The following SMAP2 variants were observed in gnomAD, a reference collection of about 807,000 sequenced individuals.
SMAP2 encodes the protein small ArfGAP2, also known as stromal membrane-associated protein 2.
SMAP2 carries 25 observed loss-of-function variants against 56.4 expected under a neutral mutation model. That is an observed-to-expected ratio of 0.44 (90% confidence interval 0.32 to 0.62). The LOEUF (loss-of-function observed/expected upper bound fraction) is 0.62, where lower values mean the gene tolerates loss of function less well. Ranked by LOEUF, SMAP2 falls within the 20% of genes least tolerant of loss-of-function variation. The pLI is 0.04. For missense variants in SMAP2, 388 were observed against 545.6 expected, an observed-to-expected ratio of 0.71 and a Z score of 2.88; for synonymous variants, 157 against 181.7, an observed-to-expected ratio of 0.86 and a Z score of 1.09.
Position 40,373,855 on chromosome 1 carries a change from G to A in SMAP2, c.-266G>A, listed in dbSNP as rs1033175810. The A allele has an allele frequency of 8.3e-6, 3 of 361,906 alleles. No homozygotes were observed. The highest frequency in any genetic ancestry group is 6.5e-5 in the African/African-American group (3 of 45,878). The allele number at this position is 361,906 out of a possible 1,614,324, so 22.4% of individuals were successfully genotyped here. ...GAGGCTCGTGGTCCGCCTTTGCCTG[G>A]GCTGAGGGTCTCTGGCCCCGCAGCC... is the stretch of plus-strand genomic sequence containing the variant. On this transcript the variant is annotated 5_prime_UTR_variant, in exon 1 of 10. Transcript: ENST00000372718.
chr1:40,354,766 A>ATTTTTTTTTTTTTT (rs1557821399), intron 1 of SMAP2, among the ~76,000 whole-genome samples: 1 of 58,282 alleles, frequency 1.7e-5, no homozygotes, highest in East Asian at 6.9e-4. Context: ...CAAAACATTG[A>ATTTTTTTTTTTTTT]ATTTTTTTTT....
At chr1:40,389,438 C>T (rs900673559) in intron 1 of SMAP2, among the ~76,000 whole-genome samples, 1 of 151,998 alleles carries the variant, frequency 6.6e-6, no homozygotes, top group East Asian at 1.9e-4. Flanking sequence ...CAGCATTATT[C>T]TGTTAATGTG....
chr1:40,388,190 T>C (rs532802052), intron 1 of SMAP2, among the ~76,000 whole-genome samples: 2 of 152,228 alleles, frequency 1.3e-5, no homozygotes, highest in South Asian at 4.1e-4. Context: ...CGCCCCCTGC[T>C]CCACGGCACC....
At position 40,397,305 on chromosome 1, in the gene SMAP2, C is replaced by T. The variant is rs1236139683; in HGVS notation, c.104-9431C>T. ...CACATGGGGATCATTTCTCTACCAT[C>T]CCTGAGAACTGATTACCAAACCTCT... On this transcript the variant is annotated intron_variant, in intron 1 of 9. Coordinates refer to ENST00000372718, the MANE Select transcript of SMAP2 (RefSeq NM_022733.3). Among the ~76,000 whole-genome samples the T allele has an allele frequency of 2.0e-5, 3 of 152,180 alleles. No homozygotes were observed. In the East Asian group the frequency reaches 5.8e-4, roughly 29 times the overall value.
At chr1:40,413,919 C>T in intron 5 of SMAP2, 1 of 432,506 alleles carries the variant, frequency 2.3e-6, no homozygotes, top group Admixed American at 3.8e-5. Context: ...AAAGATCTGT[C>T]TCTTTAGGAC....
intron 1 of SMAP2, among the ~76,000 whole-genome samples, chr1:40,405,361 C>T (rs749689840): frequency 1.3e-4 from 20 of 152,080 alleles, no homozygotes; most frequent in Non-Finnish European, 2.4e-4. Flanking sequence ...GGGTGGCACA[C>T]GCCTATAGTC....
In SMAP2 at chr1:40,374,132, G is replaced by A. The variant is rs1019047941; in HGVS notation, c.12G>A (p.Lys4=). 4 of 1,612,970 alleles carry A rather than the reference G, an allele frequency of 2.5e-6. No individual in the cohort carries two copies. The Admixed American group carries it at 5.0e-5, about 20-fold the overall frequency. Residue 4 remains lysine (K), a synonymous_variant, in exon 1 of 10, where the codon AAG becomes AAA. Transcript: ENST00000372718. This position sits in a 1 kb window ranked among gnomAD's most constrained non-coding sequence, Gnocchi z 5.9. ...CCGGCACCCTGGCCATGACAGGCAA[G>A]TCGGTGAAGGACGTGGATCGGTACC... MTG[K]SVKDVDRYQA...
Position 40,374,622 on chromosome 1 carries a change from TGTGA to T in SMAP2, c.103+401_103+404del, listed in dbSNP as rs1262470970. ...GTGTGTGTGTGTGTGTGTGTGTGTGTGTGAGAGAGAGAGAGAGAGAATGACGAGG... is the reference window on the plus strand; with the variant it reads ...GTGTGTGTGTGTGTGTGTGTGTGTGTGAGAGAGAGAGAGAGAATGACGAGG... On this transcript the variant is annotated intron_variant, in intron 1 of 9. Transcript: ENST00000372718. This position sits in a 1 kb window ranked among gnomAD's most constrained non-coding sequence, Gnocchi z 5.9. 3,148 of 1,181,586 alleles carry T rather than the reference TGTGA, an allele frequency of 2.7e-3. 35 individuals are homozygous for T. In the African/African-American group the frequency reaches 0.037, roughly 14 times the overall value. The allele number at this position is 1,181,586 out of a possible 1,614,324, so 73.2% of individuals were successfully genotyped here.
chr1:40,420,276 G>C (rs536925779), intron 9 of SMAP2, among the ~76,000 whole-genome samples: 1 of 151,832 alleles, frequency 6.6e-6, no homozygotes, highest in East Asian at 1.9e-4. Flanking sequence ...TCATTGTTTC[G>C]TTTTTATTTA....
At chr1:40,410,471 G>GAT (rs1489294146) in intron 4 of SMAP2, among the ~76,000 whole-genome samples, 1 of 151,576 alleles carries the variant, frequency 6.6e-6, no homozygotes, top group African/African-American at 2.4e-5. Flanking sequence ...TATCTACATA[G>GAT]ATATATACAC....
chr1:40,393,374 G>A (rs1291749226), intron 1 of SMAP2: 10 of 1,535,220 alleles, frequency 6.5e-6, no homozygotes. Context: ...AGGAGAGGCA[G>A]CAGAGCGCCG....
chr1:40,356,833 C>T (rs1569819254), intron 1 of SMAP2, among the ~76,000 whole-genome samples: 1 of 152,148 alleles, frequency 6.6e-6, no homozygotes, highest in African/African-American at 2.4e-5. Flanking sequence ...TTCGTTATTG[C>T]CTGTCTTTTG....
intron 1 of SMAP2, among the ~76,000 whole-genome samples, chr1:40,382,653 C>T (rs1644609978): frequency 6.6e-6 from 1 of 152,208 alleles, no homozygotes; most frequent in Admixed American, 6.5e-5. Context: ...TAGAGTAGAA[C>T]ACCTTAAAGT....
intron 1 of SMAP2, among the ~76,000 whole-genome samples, chr1:40,399,739 A>C (rs1644813594): frequency 6.6e-6 from 1 of 151,738 alleles, no homozygotes; most frequent in African/African-American, 2.4e-5. Flanking sequence ...GAGTGAAAAA[A>C]AGAGTAAAGG....
intron 1 of SMAP2, among the ~76,000 whole-genome samples, chr1:40,389,687 T>C (rs146898381): frequency 1.1e-4 from 16 of 152,322 alleles, no homozygotes; most frequent in African/African-American, 3.6e-4. Flanking sequence ...GTGTGACACA[T>C]CATCCTGGGG....
chr1:40,416,898 T>A lies in SMAP2; in HGVS notation c.966T>A (p.Ala322=). ...TGCCTCCACCAGTAGGCATGGTTGC[T>A]CAGCCAGGAGCTTCTGGGATGGTTG... ...SMMPPPVGMV[A]QPGASGMVAP... Residue 322 remains alanine (A), a synonymous_variant, in exon 9 of 10, where the codon GCT becomes GCA. Coordinates refer to ENST00000372718, the MANE Select transcript of SMAP2 (RefSeq NM_022733.3). The A allele has an allele frequency of 6.2e-7, 1 of 1,614,220 alleles. No homozygotes were observed. Among genetic ancestry groups the A allele is most frequent in the Non-Finnish European group, 8.5e-7 (1 of 1,180,034 alleles).
chr1:40,387,438 C>T (rs1304236270), intron 1 of SMAP2, among the ~76,000 whole-genome samples: 1 of 152,092 alleles, frequency 6.6e-6, no homozygotes, highest in Non-Finnish European at 1.5e-5. Flanking sequence ...GTCAAGTGGG[C>T]CCTCTAATTT....
chr1:40,355,440 G>A (rs185786640), intron 1 of SMAP2, among the ~76,000 whole-genome samples: 1 of 152,194 alleles, frequency 6.6e-6, no homozygotes, highest in Non-Finnish European at 1.5e-5. Context: ...GTAGGTGTAT[G>A]TACTTATGGG....
intron 1 of SMAP2, chr1:40,396,879 A>G (rs1352003176): frequency 1.0e-6 from 1 of 982,152 alleles, no homozygotes; most frequent in Non-Finnish European, 1.2e-6. Context: ...GGATATAATG[A>G]GTGGAACTGA....
Sources: allele counts gnomAD v4.1 joint callset (sites outside exome capture counted in the v4.1 genomes callset), GRCh38; gene constraint gnomAD v4.1.1; non-coding constraint Gnocchi (gnomAD v3.1); transcripts MANE v1.5; gene names NCBI Gene and HGNC (gene_info 2026-07-23, HGNC 2026-07-21).